DYNC1I1: variants seen among roughly 807,000 people sequenced by gnomAD.
DYNC1I1 encodes dynein cytoplasmic 1 intermediate chain 1.
Under a neutral mutation model 86.6 loss-of-function variants are expected in DYNC1I1, and 43 were observed. That is an observed-to-expected ratio of 0.50 (90% CI 0.39 to 0.64). The LOEUF (loss-of-function observed/expected upper bound fraction) is 0.64, where lower values mean the gene tolerates loss of function less well. Ranked by LOEUF, DYNC1I1 falls within the 30% of genes least tolerant of loss-of-function variation. The probability of loss-of-function intolerance (pLI) is 0.00; values close to 1 mark genes in which losing one functional copy is unlikely to be tolerated. For synonymous variants in DYNC1I1, 262 were observed against 283.7 expected (o/e 0.92, Z 0.77); for missense variants, 604 against 788.8 (o/e 0.77, Z 2.81).
intron 6 of DYNC1I1, among the ~76,000 whole-genome samples, chr7:95,953,097 C>T (rs1055043319): frequency 1.4e-5 from 2 of 148,084 alleles, no homozygotes; most frequent in Non-Finnish European, 3.0e-5. Context: ...TCTTTTGTAT[C>T]TCGTATGTAC....
intron 9 of DYNC1I1, among the ~76,000 whole-genome samples, chr7:95,989,877 A>T (rs2115719147): frequency 6.6e-6 from 1 of 152,270 alleles, no homozygotes; most frequent in Non-Finnish European, 1.5e-5. Flanking sequence ...AGGGGTTCAA[A>T]GGACCAGGAT....
intron 5 of DYNC1I1, among the ~76,000 whole-genome samples, chr7:95,848,562 A>T (rs1215872071): frequency 6.6e-6 from 1 of 152,108 alleles, no homozygotes; most frequent in Non-Finnish European, 1.5e-5. Context: ...AAATGACAGG[A>T]TTGTCTTTAT....
rs138293643 is a variant in DYNC1I1 at position 96,041,447 on chromosome 7, A to T, written c.1509+2026A>T. Among the ~76,000 whole-genome samples, 9 of 152,330 alleles carry T rather than the reference A, an allele frequency of 5.9e-5. 1 individual carries two copies. In the East Asian group the frequency reaches 1.5e-3, roughly 26 times the overall value. On this transcript the variant is annotated intron_variant, in intron 14 of 16. Coordinates refer to ENST00000447467, the MANE Select transcript of DYNC1I1 (RefSeq NM_001135556.2). ...AAAATAATACATGTTTTAACAGAAC[A>T]ATTTCCACTTCTAGGAATCTATGCC...
intron 14 of DYNC1I1, among the ~76,000 whole-genome samples, chr7:96,055,498 T>C (rs925316675): frequency 1.3e-5 from 2 of 152,204 alleles, no homozygotes; most frequent in Non-Finnish European, 2.9e-5. Context: ...ACCAGAAGAA[T>C]GAGAATAATC....
intron 14 of DYNC1I1, among the ~76,000 whole-genome samples, chr7:96,050,453 G>A (rs1471282379): frequency 6.6e-6 from 1 of 152,142 alleles, no homozygotes; most frequent in South Asian, 2.1e-4. Flanking sequence ...TGCAATCATT[G>A]TCAATTCTCT....
At chr7:95,844,697 C>T (rs933215440) in intron 5 of DYNC1I1, among the ~76,000 whole-genome samples, 1 of 151,182 alleles carries the variant, frequency 6.6e-6, no homozygotes, top group South Asian at 2.1e-4. Context: ...TGGGTGGGGG[C>T]CCCAGGACGG....
At chr7:96,058,800 AT>A (rs35348142) in intron 14 of DYNC1I1, among the ~76,000 whole-genome samples, 73 of 98,742 alleles carry the variant, frequency 7.4e-4, no homozygotes, top group Non-Finnish European at 8.9e-4. Flanking sequence ...TGCCTGGCTA[AT>A]TTTTTTTTTT....
At chr7:96,017,563 A>G (rs1794433890) in intron 10 of DYNC1I1, among the ~76,000 whole-genome samples, 1 of 152,150 alleles carries the variant, frequency 6.6e-6, no homozygotes, top group African/African-American at 2.4e-5. Context: ...ATTTTGCTGA[A>G]GATGATTCTC....
chr7:95,869,938 A>G lies in DYNC1I1; in HGVS notation c.430A>G (p.Arg144Gly). The change falls in exon 6 of 17, where the codon AGG (arginine) becomes GGG (glycine). Residue 144 changes from arginine (R) to glycine (G), a missense_variant. Transcript: ENST00000447467. ...SKVTQVDFLP[R>G]EVVSYSKETQ... ...GGTCACCCAAGTGGATTTCCTGCCAAGGGAAGTAGTGTCCTACTCAAAGGA... is the reference window on the plus strand; with the variant it reads ...GGTCACCCAAGTGGATTTCCTGCCAGGGGAAGTAGTGTCCTACTCAAAGGA... The G allele has an allele frequency of 6.2e-7, 1 of 1,614,040 alleles. No homozygotes were observed.
intron 16 of DYNC1I1, among the ~76,000 whole-genome samples, chr7:96,093,578 C>T (rs1790911743): frequency 6.6e-6 from 1 of 152,022 alleles, no homozygotes; most frequent in Non-Finnish European, 1.5e-5. Context: ...ATATGTTTAG[C>T]AAAAAATTAG....
chr7:95,874,236 C>A (rs1254362691), intron 6 of DYNC1I1, among the ~76,000 whole-genome samples: 2 of 152,178 alleles, frequency 1.3e-5, no homozygotes, highest in Non-Finnish European at 2.9e-5. Flanking sequence ...GATTCCCATT[C>A]CTGAACTCTT....
At chr7:96,074,272 G>T (rs759353827) in intron 14 of DYNC1I1, among the ~76,000 whole-genome samples, 1 of 151,972 alleles carries the variant, frequency 6.6e-6, no homozygotes, top group Non-Finnish European at 1.5e-5. Context: ...TGTTCAGGCC[G>T]GGCGCGGTGG....
At chr7:95,827,930 G>T in intron 4 of DYNC1I1, 127 bp from the exon 5 acceptor site, 1 of 815,734 alleles carries the variant, frequency 1.2e-6, no homozygotes. Flanking sequence ...GGGGATGGAA[G>T]GGGGACATGT....
At chr7:96,015,230 C>T (rs1794372243) in intron 10 of DYNC1I1, among the ~76,000 whole-genome samples, 1 of 152,076 alleles carries the variant, frequency 6.6e-6, no homozygotes, top group African/African-American at 2.4e-5. Context: ...TGATAATTGA[C>T]TGACACATAC....
chr7:95,942,484 C>T (rs1442831607), intron 6 of DYNC1I1, among the ~76,000 whole-genome samples: 4 of 152,084 alleles, frequency 2.6e-5, no homozygotes, highest in Non-Finnish European at 4.4e-5. Flanking sequence ...ACTATTCCAA[C>T]CAATAGAAAA....
chr7:96,025,751 T>C (rs571849482), intron 10 of DYNC1I1, among the ~76,000 whole-genome samples: 5 of 152,130 alleles, frequency 3.3e-5, no homozygotes, highest in African/African-American at 4.8e-5. Flanking sequence ...TGGGTTCTAG[T>C]TGATTGCCAA....
At chr7:95,812,670 C>T (rs542283557) in intron 3 of DYNC1I1, among the ~76,000 whole-genome samples, 1 of 152,236 alleles carries the variant, frequency 6.6e-6, no homozygotes, top group South Asian at 2.1e-4. Flanking sequence ...TTTTAATTAC[C>T]AGTTTCAACA....
intron 10 of DYNC1I1, among the ~76,000 whole-genome samples, chr7:96,002,474 T>C (rs1259708630): frequency 6.6e-6 from 1 of 152,214 alleles, no homozygotes; most frequent in African/African-American, 2.4e-5. Context: ...CCACTTAGAA[T>C]CTCTGTGACC....
At chr7:95,972,339 G>T (rs1409427328) in intron 6 of DYNC1I1, among the ~76,000 whole-genome samples, 2 of 152,128 alleles carry the variant, frequency 1.3e-5, no homozygotes, top group African/African-American at 4.8e-5. Flanking sequence ...CGTCACTGCT[G>T]CTACTGCGTT....
Sources: allele counts gnomAD v4.1 joint callset (sites outside exome capture counted in the v4.1 genomes callset), GRCh38; gene constraint gnomAD v4.1.1; transcripts MANE v1.5; gene names NCBI Gene and HGNC (gene_info 2026-07-23, HGNC 2026-07-21).